The following HS6ST3 variants were observed in gnomAD, a reference collection of about 807,000 sequenced individuals.
The protein encoded by HS6ST3 is heparan sulfate 6-O-sulfotransferase 3, also known as heparan-sulfate 6-O-sulfotransferase 3.
HS6ST3 carries 12 observed loss-of-function variants against 36.7 expected under a neutral mutation model. The observed-to-expected ratio is 0.33, with a 90% CI of 0.21 to 0.53. The LOEUF is 0.53. Among genes scored for constraint, HS6ST3 ranks in the 20% least tolerant of loss-of-function variants. HS6ST3 has a pLI of 0.95. For synonymous variants in HS6ST3, 240 were observed against 257.5 expected, an observed-to-expected ratio of 0.93 and a Z score of 0.65; for missense variants, 584 against 640.9, an observed-to-expected ratio of 0.91 and a Z score of 0.96.
rs1057230918 is a variant in HS6ST3, at chr13:96,389,640, T to C, written c.707+298071T>C. On this transcript the variant is annotated intron_variant, in intron 1 of 1. Coordinates refer to ENST00000376705, the MANE Select transcript of HS6ST3 (RefSeq NM_153456.4). Reference sequence around the variant, plus strand: ...TCATCTCCTCTACCAAAAGGCACTATGTATGAAAATATGAGTGTATAATAT... The same window carrying C: ...TCATCTCCTCTACCAAAAGGCACTACGTATGAAAATATGAGTGTATAATAT... Among the ~76,000 whole-genome samples, 4 of 152,230 alleles carry C rather than the reference T, an allele frequency of 2.6e-5. No individual in the cohort carries two copies. The East Asian group carries it at 7.7e-4, about 29-fold the overall frequency.
At chr13:96,738,771 T>C (rs1199775847) in intron 1 of HS6ST3, among the ~76,000 whole-genome samples, 1 of 152,246 alleles carries the variant, frequency 6.6e-6, no homozygotes, top group African/African-American at 2.4e-5. Flanking sequence ...AGATCATTAC[T>C]ATCAGCCTTC....
intron 1 of HS6ST3, among the ~76,000 whole-genome samples, chr13:96,544,049 C>A (rs2056188201): frequency 6.6e-6 from 1 of 151,390 alleles, no homozygotes; most frequent in Admixed American, 6.6e-5. Flanking sequence ...CTGAAAAGAC[C>A]CTAAGGGCAT....
intron 1 of HS6ST3, among the ~76,000 whole-genome samples, chr13:96,437,316 C>T (rs1207348744): frequency 6.6e-5 from 10 of 152,172 alleles, no homozygotes; most frequent in Non-Finnish European, 1.5e-4. Flanking sequence ...ATTCTCAGTC[C>T]CTTGTTGCTC....
chr13:96,188,979 G>A (rs560977477), intron 1 of HS6ST3, among the ~76,000 whole-genome samples: 5 of 152,058 alleles, frequency 3.3e-5, no homozygotes, highest in South Asian at 2.1e-4. Context: ...TGGCTAGCAC[G>A]AATATGGTAT....
At chr13:96,701,898 G>C (rs114013132) in intron 1 of HS6ST3, among the ~76,000 whole-genome samples, 1 of 152,170 alleles carries the variant, frequency 6.6e-6, no homozygotes. Context: ...GGAGGTGGAG[G>C]CTGCAGTGAG....
intron 1 of HS6ST3, among the ~76,000 whole-genome samples, chr13:96,402,853 A>C (rs192368241): frequency 3.3e-5 from 5 of 152,192 alleles, no homozygotes; most frequent in African/African-American, 7.2e-5. Flanking sequence ...TGGGGCTTTT[A>C]TGAAGAAAAT....
intron 1 of HS6ST3, among the ~76,000 whole-genome samples, chr13:96,770,013 AT>A (rs886432541): frequency 1.3e-5 from 2 of 152,140 alleles, no homozygotes; most frequent in African/African-American, 4.8e-5. Context: ...TTCTTTCTGC[AT>A]TTTGCTGTCA....
intron 1 of HS6ST3, among the ~76,000 whole-genome samples, chr13:96,403,017 G>A (rs978032294): frequency 6.6e-6 from 1 of 152,160 alleles, no homozygotes; most frequent in Non-Finnish European, 1.5e-5. Flanking sequence ...ATTCTCACCA[G>A]TAATGTATGA....
chr13:96,449,763 A>G (rs1290128137), intron 1 of HS6ST3, among the ~76,000 whole-genome samples: 2 of 152,246 alleles, frequency 1.3e-5, no homozygotes, highest in African/African-American at 4.8e-5. Flanking sequence ...GAATGCAAGT[A>G]GTAGGCTATC....
chr13:96,737,221 C>A (rs1247361790), intron 1 of HS6ST3, among the ~76,000 whole-genome samples: 3 of 152,076 alleles, frequency 2.0e-5, no homozygotes, highest in Admixed American at 2.0e-4. Flanking sequence ...TCATAAGAGA[C>A]TATTTTGCTC....
At chr13:96,462,398 A>G (rs1157523430) in intron 1 of HS6ST3, among the ~76,000 whole-genome samples, 3 of 152,352 alleles carry the variant, frequency 2.0e-5, no homozygotes, top group East Asian at 1.9e-4. Context: ...ATGACAAAAA[A>G]GGAATTTGAA....
chr13:96,193,512 A>G (rs2054298575), intron 1 of HS6ST3, among the ~76,000 whole-genome samples: 1 of 152,106 alleles, frequency 6.6e-6, no homozygotes, highest in African/African-American at 2.4e-5. Flanking sequence ...GGCTAGGGAT[A>G]AAAAAATGCC....
chr13:96,256,131 G>A (rs2054635693), intron 1 of HS6ST3, among the ~76,000 whole-genome samples: 1 of 152,150 alleles, frequency 6.6e-6, no homozygotes, highest in Non-Finnish European at 1.5e-5. Context: ...TTACACAAAT[G>A]TTATTGTATA....
At chr13:96,487,322 A>C (rs2055920293) in intron 1 of HS6ST3, among the ~76,000 whole-genome samples, 1 of 152,104 alleles carries the variant, frequency 6.6e-6, no homozygotes, top group African/African-American at 2.4e-5. Context: ...GTAAAATTTC[A>C]GGGGGATATT....
intron 1 of HS6ST3, among the ~76,000 whole-genome samples, chr13:96,113,972 G>A (rs916285991): frequency 1.3e-4 from 19 of 151,900 alleles, no homozygotes; most frequent in Non-Finnish European, 1.9e-4. Flanking sequence ...GAAGAGCCGC[G>A]TATTAGGATA....
At chr13:96,641,981 C>G (rs2056571858) in intron 1 of HS6ST3, among the ~76,000 whole-genome samples, 1 of 149,662 alleles carries the variant, frequency 6.7e-6, no homozygotes, top group Admixed American at 6.6e-5. Flanking sequence ...TTAGATTTAC[C>G]AGTTCTCTTT....
intron 1 of HS6ST3, among the ~76,000 whole-genome samples, chr13:96,239,517 A>G (rs1290175937): frequency 4.6e-5 from 7 of 152,226 alleles, no homozygotes; most frequent in Non-Finnish European, 1.0e-4. Context: ...ATTCAACTGT[A>G]TTCTAAGCAA....
At chr13:96,827,650 C>G (rs1402758163) in intron 1 of HS6ST3, among the ~76,000 whole-genome samples, 3 of 152,122 alleles carry the variant, frequency 2.0e-5, no homozygotes, top group Non-Finnish European at 4.4e-5. Context: ...TCAAGTTGTA[C>G]CCCCTTGGCT....
intron 1 of HS6ST3, among the ~76,000 whole-genome samples, chr13:96,133,112 C>G (rs1302343082): frequency 1.3e-5 from 2 of 151,738 alleles, no homozygotes; most frequent in East Asian, 1.9e-4. Context: ...TGTGTAGAAG[C>G]TTTTTAATTA....
Sources: allele counts gnomAD v4.1 joint callset (sites outside exome capture counted in the v4.1 genomes callset), GRCh38; gene constraint gnomAD v4.1.1; transcripts MANE v1.5; gene names NCBI Gene and HGNC (gene_info 2026-07-23, HGNC 2026-07-21).